MAN1C1: variants seen among roughly 807,000 people sequenced by gnomAD.
MAN1C1 encodes mannosyl-oligosaccharide 1,2-alpha-mannosidase IC.
A neutral mutation model predicts 71.5 loss-of-function variants in MAN1C1; 49 were observed. The observed-to-expected ratio is 0.69, with a 90% CI of 0.54 to 0.87. The LOEUF is 0.87. Ranked by LOEUF, MAN1C1 falls within the 40% of genes least tolerant of loss-of-function variation. The probability of loss-of-function intolerance (pLI) is 0.00; values close to 1 mark genes in which losing one functional copy is unlikely to be tolerated. For synonymous variants in MAN1C1, 352 were observed against 343.7 expected (o/e 1.02, Z -0.27); for missense variants, 743 against 835.0 (o/e 0.89, Z 1.36).
intron 2 of MAN1C1, among the ~76,000 whole-genome samples, chr1:25,697,980 C>A (rs1035443056): frequency 1.3e-5 from 2 of 152,192 alleles, no homozygotes; most frequent in African/African-American, 4.8e-5. Context: ...AGCTTCCTGG[C>A]CCAGAGCTCC....
chr1:25,655,593 G>A (rs1483949474), intron 1 of MAN1C1, among the ~76,000 whole-genome samples: 1 of 152,126 alleles, frequency 6.6e-6, no homozygotes, highest in African/African-American at 2.4e-5. Flanking sequence ...ACTGATGTCT[G>A]GGGCAGAGTC....
At position 25,778,039 on chromosome 1, in the gene MAN1C1, C is replaced by A; in HGVS notation, c.1258-66C>A. 2 of 1,245,840 alleles carry A rather than the reference C, an allele frequency of 1.6e-6. No homozygotes were observed. Among genetic ancestry groups the A allele is most frequent in the East Asian group, 2.4e-5 (1 of 41,264 alleles). The allele number at this position is 1,245,840 out of a possible 1,614,324, so 77.2% of individuals were successfully genotyped here. ...GTCTCCAAAATGTTCATTTTCCATC[C>A]TTTCCCCCCCTTCTCTGTGCCCTCC... On this transcript the variant is annotated intron_variant, in intron 8 of 11. Coordinates refer to ENST00000374332, the MANE Select transcript of MAN1C1 (RefSeq NM_020379.4). This position sits in a 1 kb window ranked among gnomAD's most constrained non-coding sequence, Gnocchi z 5.5.
At chr1:25,749,466 A>C in intron 4 of MAN1C1, 131 bp downstream of exon 4, 1 of 670,882 alleles carries the variant, frequency 1.5e-6, no homozygotes, top group Non-Finnish European at 2.4e-6. Flanking sequence ...GGGGCCACCC[A>C]AGTCCACCCC....
At chr1:25,648,904 T>C (rs944577232) in intron 1 of MAN1C1, among the ~76,000 whole-genome samples, 37 of 152,216 alleles carry the variant, frequency 2.4e-4, no homozygotes, top group Non-Finnish European at 4.4e-5. Context: ...GGAAGTTTTC[T>C]TTGAAAAGAA....
At chr1:25,688,993 C>T (rs1201691257) in intron 2 of MAN1C1, among the ~76,000 whole-genome samples, 2 of 152,212 alleles carry the variant, frequency 1.3e-5, no homozygotes, top group Admixed American at 1.3e-4. Flanking sequence ...AGCCTTCCCT[C>T]TGCAGCCAGC....
intron 7 of MAN1C1, among the ~76,000 whole-genome samples, chr1:25,765,441 C>A (rs1048798495): frequency 6.6e-6 from 1 of 152,192 alleles, no homozygotes; most frequent in Non-Finnish European, 1.5e-5. Flanking sequence ...AAACAAGGAC[C>A]CCCTTCCCTT....
chr1:25,618,410 C>T (rs1012963584), intron 1 of MAN1C1, 73 bp downstream of exon 1: 5 of 1,432,656 alleles, frequency 3.5e-6, no homozygotes, highest in Non-Finnish European at 3.8e-6. Flanking sequence ...GGCGCTCCCA[C>T]CCCTTTCCCT....
At chr1:25,632,576 A>T (rs1484904738) in intron 1 of MAN1C1, among the ~76,000 whole-genome samples, 1 of 151,890 alleles carries the variant, frequency 6.6e-6, no homozygotes, top group African/African-American at 2.4e-5. Context: ...TAGTTCCTTG[A>T]GGTGTAACAT....
chr1:25,699,769 AGAGGT>A (rs2046414420), intron 2 of MAN1C1, among the ~76,000 whole-genome samples: 1 of 152,226 alleles, frequency 6.6e-6, no homozygotes, highest in South Asian at 2.1e-4. Context: ...CCCTGGAGAC[AGAGGT>A]GCTTCATGGG....
In MAN1C1 at chr1:25,764,754, A is replaced by C. The variant is rs1271486299; in HGVS notation, c.1141+787A>C. Among the ~76,000 whole-genome samples the C allele has an allele frequency of 6.6e-6, 1 of 152,110 alleles. No individual in the cohort carries two copies. Among genetic ancestry groups the C allele is most frequent in the African/African-American group, 2.4e-5 (1 of 41,420 alleles). ...TTAAAAAACAAACAAACAAACAAACAAACAAAAACCATACAACAGTGTAGA... is the reference window on the plus strand; with the variant it reads ...TTAAAAAACAAACAAACAAACAAACCAACAAAAACCATACAACAGTGTAGA... On this transcript the variant is annotated intron_variant, in intron 7 of 11. Coordinates refer to ENST00000374332, the MANE Select transcript of MAN1C1 (RefSeq NM_020379.4). This position sits in a 1 kb window ranked among gnomAD's most constrained non-coding sequence, Gnocchi z 4.4.
At chr1:25,699,907 G>GTTTCCAAGCTCCACAGACAGCTGTT (rs1553188163) in intron 2 of MAN1C1, among the ~76,000 whole-genome samples, 1 of 152,174 alleles carries the variant, frequency 6.6e-6, no homozygotes, top group Non-Finnish European at 1.5e-5. Flanking sequence ...AGGCAGATCT[G>GTTTCCAAGCTCCACAGACAGCTGTT]TTTCCAAGCT....
At chr1:25,668,232 C>A (rs2045949500) in intron 1 of MAN1C1, among the ~76,000 whole-genome samples, 1 of 152,074 alleles carries the variant, frequency 6.6e-6, no homozygotes, top group Non-Finnish European at 1.5e-5. Flanking sequence ...ATCTGGGAGG[C>A]CTTCCTTGGC....
intron 1 of MAN1C1, among the ~76,000 whole-genome samples, chr1:25,684,569 C>T (rs1417423835): frequency 6.6e-6 from 1 of 152,218 alleles, no homozygotes; most frequent in Non-Finnish European, 1.5e-5. Context: ...CTAGATTATT[C>T]TGCCATTTCA....
chr1:25,672,834 C>T (rs1019173058), intron 1 of MAN1C1, among the ~76,000 whole-genome samples: 7 of 152,122 alleles, frequency 4.6e-5, no homozygotes, highest in African/African-American at 1.7e-4. Flanking sequence ...GTGGCTGAAG[C>T]GTGGTGGGGA....
At position 25,616,873 on chromosome 1, in the gene MAN1C1, G is replaced by C. The variant is rs2045104130; in HGVS notation, c.-925G>C. Among the ~76,000 whole-genome samples the C allele has an allele frequency of 6.7e-6, 1 of 148,202 alleles. No homozygotes were observed. The highest frequency in any genetic ancestry group is 6.7e-5 in the Admixed American group (1 of 14,972). ...GTGCGCGCGTGTGGGGCGCAGGCTC[G>C]GCGGCAGCGGCCGGTCTGGAGCGGC... On this transcript the variant is annotated 5_prime_UTR_variant, in exon 1 of 12. Transcript: ENST00000374332. This position sits in a 1 kb window ranked among gnomAD's most constrained non-coding sequence, Gnocchi z 5.6.
intron 2 of MAN1C1, among the ~76,000 whole-genome samples, chr1:25,720,955 T>C (rs1474320012): frequency 6.6e-6 from 1 of 152,194 alleles, no homozygotes; most frequent in African/African-American, 2.4e-5. Flanking sequence ...TGTCTTAGCA[T>C]CCTTGTCAAA....
chr1:25,641,694 G>A (rs954430520), intron 1 of MAN1C1, among the ~76,000 whole-genome samples: 2 of 152,116 alleles, frequency 1.3e-5, no homozygotes, highest in Non-Finnish European at 2.9e-5. Flanking sequence ...TCTTAGCCTC[G>A]ACTTATCTCT....
chr1:25,739,867 C>T (rs895269581), intron 2 of MAN1C1, among the ~76,000 whole-genome samples: 10 of 152,140 alleles, frequency 6.6e-5, no homozygotes, highest in Admixed American at 3.9e-4. Flanking sequence ...TTTGTTCAGC[C>T]GAACCCCTTA....
chr1:25,728,914 A>C (rs1423738831), intron 2 of MAN1C1, among the ~76,000 whole-genome samples: 1 of 152,228 alleles, frequency 6.6e-6, no homozygotes, highest in African/African-American at 2.4e-5. Flanking sequence ...CCTAGGCGTC[A>C]ACAAGTGCCC....
Sources: allele counts gnomAD v4.1 joint callset (sites outside exome capture counted in the v4.1 genomes callset), GRCh38; gene constraint gnomAD v4.1.1; non-coding constraint Gnocchi (gnomAD v3.1); transcripts MANE v1.5; gene names NCBI Gene and HGNC (gene_info 2026-07-23, HGNC 2026-07-21).